SMURF1: variants seen among roughly 807,000 people sequenced by gnomAD.
The protein encoded by SMURF1 is SMAD specific E3 ubiquitin protein ligase 1.
Under a neutral mutation model 98.0 loss-of-function variants are expected in SMURF1, and 44 were observed. The ratio of observed to expected loss-of-function variants is 0.45; its 90% CI spans 0.35 to 0.58. The LOEUF (loss-of-function observed/expected upper bound fraction) is 0.58. Ranked by LOEUF, SMURF1 falls within the 20% of genes least tolerant of loss-of-function variation. The pLI is 0.00. For synonymous variants in SMURF1, 396 were observed against 374.9 expected (o/e 1.06, Z -0.65); for missense variants, 687 against 938.4 (o/e 0.73, Z 3.50).
intron 1 of SMURF1, among the ~76,000 whole-genome samples, chr7:99,105,898 T>G (rs1420052663): frequency 6.6e-6 from 1 of 152,204 alleles, no homozygotes; most frequent in Admixed American, 6.5e-5. Flanking sequence ...CCAAGTGCTA[T>G]TCTACTTCCA....
At chr7:99,031,839 G>A (rs920989269) in intron 17 of SMURF1, among the ~76,000 whole-genome samples, 3 of 152,272 alleles carry the variant, frequency 2.0e-5, no homozygotes, top group Admixed American at 6.5e-5. Flanking sequence ...ATCATCTCAC[G>A]GGGCATCTCA....
At chr7:99,129,444 T>G (rs1165353742) in intron 1 of SMURF1, among the ~76,000 whole-genome samples, 1 of 152,220 alleles carries the variant, frequency 6.6e-6, no homozygotes, top group Non-Finnish European at 1.5e-5. Context: ...CAGGCTAGAG[T>G]GCAGTGGCAC....
intron 5 of SMURF1, 113 bp downstream of exon 5, chr7:99,057,092 T>C (rs1251644492): frequency 7.5e-6 from 8 of 1,067,080 alleles, no homozygotes; most frequent in Admixed American, 1.8e-5. Flanking sequence ...GTACGTGGTC[T>C]GTCCTCTGAG....
At chr7:99,072,128 A>G (rs181281743) in intron 1 of SMURF1, among the ~76,000 whole-genome samples, 3 of 152,276 alleles carry the variant, frequency 2.0e-5, no homozygotes, top group Non-Finnish European at 4.4e-5. Context: ...AAAAGTAATC[A>G]TAAGTAATAG....
At chr7:99,062,290 G>C (rs922641648) in intron 1 of SMURF1, among the ~76,000 whole-genome samples, 1 of 151,870 alleles carries the variant, frequency 6.6e-6, no homozygotes, top group African/African-American at 2.4e-5. Context: ...TAGAGATAGG[G>C]CCACTGCACC....
At chr7:99,143,394 G>A (rs1445273425) in intron 1 of SMURF1, among the ~76,000 whole-genome samples, 4 of 142,208 alleles carry the variant, frequency 2.8e-5, no homozygotes, top group African/African-American at 1.0e-4. Context: ...GAAAAGAGAA[G>A]CGAGGGGCGG....
intron 3 of SMURF1, among the ~76,000 whole-genome samples, chr7:99,059,909 CAAA>C (rs34628446): frequency 7.2e-6 from 1 of 138,030 alleles, no homozygotes; most frequent in Admixed American, 7.3e-5. Context: ...GACTCCATCT[CAAA>C]AAAAAAAAAA....
intron 16 of SMURF1, among the ~76,000 whole-genome samples, chr7:99,034,595 C>T (rs1038975295): frequency 2.4e-4 from 37 of 152,124 alleles, no homozygotes; most frequent in African/African-American, 8.4e-4. Context: ...CAGCCAGGCT[C>T]TCGGGGTTGT....
At chr7:99,127,559 A>G (rs1797774335) in intron 1 of SMURF1, among the ~76,000 whole-genome samples, 1 of 152,174 alleles carries the variant, frequency 6.6e-6, no homozygotes, top group Non-Finnish European at 1.5e-5. Flanking sequence ...AAAAAAAAGA[A>G]CAGCTCTTTC....
intron 3 of SMURF1, among the ~76,000 whole-genome samples, chr7:99,059,402 A>AAAAAT (rs59050463): frequency 0.092 from 7,117 of 77,092 alleles, 412 homozygotes; most frequent in Non-Finnish European, 0.13. Flanking sequence ...CATCTCAAAA[A>AAAAAT]AAAATAAAAT....
At chr7:99,125,381 C>T (rs1050254265) in intron 1 of SMURF1, among the ~76,000 whole-genome samples, 13 of 152,114 alleles carry the variant, frequency 8.5e-5, no homozygotes, top group Non-Finnish European at 1.6e-4. Flanking sequence ...GCCACTGTGC[C>T]CAGCCAATAA....
intron 1 of SMURF1, among the ~76,000 whole-genome samples, chr7:99,112,694 T>TA (rs1354194806): frequency 1.3e-5 from 2 of 152,146 alleles, no homozygotes; most frequent in African/African-American, 4.8e-5. Flanking sequence ...AAAGACTATT[T>TA]AAATCAATGG....
chr7:99,143,214 G>A (rs1403644525), intron 1 of SMURF1, among the ~76,000 whole-genome samples: 1 of 133,748 alleles, frequency 7.5e-6, no homozygotes, highest in African/African-American at 2.8e-5. Flanking sequence ...GAGGAAAGGT[G>A]GGGAAGAGAA....
At chr7:99,089,414 G>A (rs954457390) in intron 1 of SMURF1, among the ~76,000 whole-genome samples, 10 of 151,996 alleles carry the variant, frequency 6.6e-5, no homozygotes, top group African/African-American at 2.2e-4. Context: ...CGAGGCAGGA[G>A]GATCGCTTGG....
chr7:99,076,489 A>T (rs1796462051), intron 1 of SMURF1, among the ~76,000 whole-genome samples: 2 of 152,248 alleles, frequency 1.3e-5, no homozygotes, highest in Non-Finnish European at 2.9e-5. Context: ...GTGGAGGAAC[A>T]TTCTACAAAT....
chr7:99,081,991 C>A (rs368856390), intron 1 of SMURF1, among the ~76,000 whole-genome samples: 1 of 152,186 alleles, frequency 6.6e-6, no homozygotes, highest in Non-Finnish European at 1.5e-5. Flanking sequence ...AGTGAGTCTA[C>A]GGGGTATCTC....
At chr7:99,126,419 T>C (rs1359767762) in intron 1 of SMURF1, among the ~76,000 whole-genome samples, 2 of 151,836 alleles carry the variant, frequency 1.3e-5, no homozygotes, top group Admixed American at 6.6e-5. Flanking sequence ...GCACTTTGGT[T>C]GGCTGAGGCA....
chr7:99,032,865 C>T (rs989729192), intron 17 of SMURF1, 172 bp downstream of exon 17: 8 of 901,112 alleles, frequency 8.9e-6, no homozygotes, highest in East Asian at 7.2e-5. Flanking sequence ...AATTGTCATT[C>T]AACTCTAGAA....
At chr7:99,119,513 A>G (rs1797547074) in intron 1 of SMURF1, among the ~76,000 whole-genome samples, 1 of 152,268 alleles carries the variant, frequency 6.6e-6, no homozygotes. Context: ...TAACAGTGAC[A>G]GATATTGGAG....
Sources: gnomAD v4.1 joint callset for allele counts (sites outside exome capture counted in the v4.1 genomes callset) on GRCh38, gnomAD v4.1.1 for gene constraint, MANE v1.5 for transcripts, NCBI Gene and HGNC (gene_info 2026-07-23, HGNC 2026-07-21) for gene names.